Variants in METTL2B observed in about 807,000 individuals in gnomAD.
METTL2B encodes tRNA N(3)-cytidine methyltransferase METTL2B.
In METTL2B, 28 loss-of-function variants were observed where a neutral mutation model predicts 51.0. The observed-to-expected ratio is 0.55, with a 90% CI of 0.41 to 0.75. METTL2B has a LOEUF of 0.75. METTL2B is among the 30% of genes least tolerant of loss of function. METTL2B has a pLI of 0.00. For synonymous variants in METTL2B, 128 were observed against 166.3 expected (o/e 0.77, Z 1.77); for missense variants, 313 against 460.7 (o/e 0.68, Z 2.93).
At chr7:128,479,094 G>A in intron 2 of METTL2B, 64 bp from the exon 3 acceptor site, 3 of 1,461,414 alleles carry the variant, frequency 2.1e-6, no homozygotes, top group Non-Finnish European at 2.8e-6. Context: ...CAGGATAATT[G>A]ACGTTAGATA....
At position 128,500,967 on chromosome 7, in the gene METTL2B, A is replaced by G. The variant is rs1793017947; in HGVS notation, c.981A>G (p.Gln327=). 6.2e-7 allele frequency: 1 copy of G among 1,614,132 alleles called. No homozygotes were observed. The highest frequency in any genetic ancestry group is 8.5e-7 in the Non-Finnish European group (1 of 1,179,980). The change falls in exon 8 of 9, where the codon CAA becomes CAG. Residue 327 remains glutamine, a splice_region_variant and synonymous_variant. Transcript: ENST00000262432. Reference sequence around the variant, plus strand: ...GAACCAGAGTTTACTTCTTCACACAAGGTATGAAACACTCATCTTTTTACG... The same window carrying G: ...GAACCAGAGTTTACTTCTTCACACAGGGTATGAAACACTCATCTTTTTACG... ...GDGTRVYFFT[Q]EELDTLFTTA...
Position 128,477,056 on chromosome 7 carries a change from C to G in METTL2B, c.111-26C>G, listed in dbSNP as rs969889388. The G allele has an allele frequency of 7.4e-6, 12 of 1,614,164 alleles. No individual in the cohort carries two copies. The Admixed American group carries it at 1.3e-4, about 18-fold the overall frequency. ...TGCTCGCAGCCAGGACGTGAAGCCC[C>G]TAAGCTGCCCGTTTGATTTTCTCAG... On this transcript the variant is annotated intron_variant, in intron 1 of 8. Coordinates refer to ENST00000262432, the MANE Select transcript of METTL2B (RefSeq NM_018396.3).
rs1793015979 is a variant in METTL2B at position 128,500,870 on chromosome 7, A to G, written c.917-33A>G. 3 of 1,612,780 alleles carry G rather than the reference A, an allele frequency of 1.9e-6. No homozygotes were observed. In the South Asian group the frequency reaches 3.3e-5, roughly 18 times the overall value. ...AGTGCAAGTCAAAGAGACACTTTAAAGTGTCTCTGATTTTTAATACATCAC... is the reference window on the plus strand; with the variant it reads ...AGTGCAAGTCAAAGAGACACTTTAAGGTGTCTCTGATTTTTAATACATCAC... On this transcript the variant is annotated intron_variant, in intron 7 of 8. Transcript: ENST00000262432.
chr7:128,481,056 G>A (rs1189680844), intron 4 of METTL2B, among the ~76,000 whole-genome samples: 2 of 152,184 alleles, frequency 1.3e-5, no homozygotes, highest in African/African-American at 4.8e-5. Flanking sequence ...AGGAACAAAT[G>A]TGTTCAACTT....
intron 4 of METTL2B, among the ~76,000 whole-genome samples, chr7:128,484,666 C>T (rs1459168723): frequency 6.6e-6 from 1 of 152,040 alleles, no homozygotes; most frequent in Non-Finnish European, 1.5e-5. Context: ...GATCTTGGCT[C>T]ACTGCAACCT....
At chr7:128,483,695 C>T (rs1040611337) in intron 4 of METTL2B, among the ~76,000 whole-genome samples, 1 of 152,002 alleles carries the variant, frequency 6.6e-6, no homozygotes, top group Non-Finnish European at 1.5e-5. Flanking sequence ...GTGCCCACCA[C>T]CACGCCCAGC....
At position 128,492,895 on chromosome 7, in the gene METTL2B, C is replaced by T. The variant is rs144020875; in HGVS notation, c.670-909C>T. Among the ~76,000 whole-genome samples the T allele has an allele frequency of 7.6e-3, 1,161 of 152,184 alleles. 14 individuals carry two copies. The highest frequency in any genetic ancestry group is 0.027 in the African/African-American group (1,110 of 41,512). On this transcript the variant is annotated intron_variant, in intron 5 of 8. Coordinates refer to ENST00000262432, the MANE Select transcript of METTL2B (RefSeq NM_018396.3). ...CCTCCCAAAGTGCTAGGATTACAGG[C>T]GTGAGCCACTGCGTGCTTATTTAAA...
chr7:128,480,666 A>C lies in METTL2B; in HGVS notation c.578A>C (p.Asn193Thr), dbSNP rs570735134. Residue 193 changes from asparagine (N) to threonine (T), a missense_variant, in exon 4 of 9, where the codon AAC becomes ACC. This residue lies in a region of METTL2B where 42 missense variants were observed against 113.4 expected (regional missense o/e 0.37). Coordinates refer to ENST00000262432, the MANE Select transcript of METTL2B (RefSeq NM_018396.3). ...CTGCAGGTTGGCTGTGGTGTGGGAA[A>C]CACAGTCTTTCCAATTTTACAAACG... ...RILEVGCGVG[N>T]TVFPILQTNN... 5 of 1,604,716 alleles carry C rather than the reference A, an allele frequency of 3.1e-6. No individual in the cohort carries two copies. The East Asian group carries it at 1.1e-4, about 36-fold the overall frequency.
chr7:128,494,618 G>A (rs1792890696), intron 6 of METTL2B, among the ~76,000 whole-genome samples: 1 of 152,010 alleles, frequency 6.6e-6, no homozygotes, highest in African/African-American at 2.4e-5. Flanking sequence ...TCTCATTATT[G>A]GCCTTTCATT....
rs183378787 is a variant in METTL2B, at chr7:128,495,542, C to G, written c.809+1599C>G. ...CTTGGCTCACTGCAAGCTCTGCCTC[C>G]CAGGTTAAAGCGATTCTCCTGCCTC... On this transcript the variant is annotated intron_variant, in intron 6 of 8. Coordinates refer to ENST00000262432, the MANE Select transcript of METTL2B (RefSeq NM_018396.3). 1.1e-3 allele frequency among the ~76,000 whole-genome samples: 170 copies of G among 152,106 alleles called. 1 individual carries two copies. Among genetic ancestry groups the G allele is most frequent in the African/African-American group, 3.8e-3 (157 of 41,486 alleles).
At position 128,500,963 on chromosome 7, in the gene METTL2B, C is replaced by T; in HGVS notation, c.977C>T (p.Thr326Ile). ...GATGGAACCAGAGTTTACTTCTTCA[C>T]ACAAGGTATGAAACACTCATCTTTT... ...RGDGTRVYFFTQEELDTLFTT... is the reference protein window; with the variant it reads ...RGDGTRVYFFIQEELDTLFTT... Residue 326 changes from threonine to isoleucine, a missense_variant, in exon 8 of 9, where the codon ACA becomes ATA. Thr to Ile is a moderately conservative substitution (Grantham distance 89). Coordinates refer to ENST00000262432, the MANE Select transcript of METTL2B (RefSeq NM_018396.3). 3.1e-6 allele frequency: 5 copies of T among 1,614,180 alleles called. No individual in the cohort carries two copies. Among genetic ancestry groups the T allele is most frequent in the Non-Finnish European group, 4.2e-6 (5 of 1,180,012 alleles).
At chr7:128,477,951 A>G (rs1230441265) in intron 2 of METTL2B, 1 of 450,702 alleles carries the variant, frequency 2.2e-6, no homozygotes, top group Non-Finnish European at 4.5e-6. Context: ...TTTTATAGTT[A>G]AAGACACTTG....
At chr7:128,494,073 G>A (rs554009991) in intron 6 of METTL2B, 130 bp downstream of exon 6, 6 of 1,205,258 alleles carry the variant, frequency 5.0e-6, no homozygotes, top group East Asian at 4.8e-5. Flanking sequence ...GCTCACTGCA[G>A]CCTTAATCTC....
chr7:128,477,625 T>C (rs1205370130), intron 2 of METTL2B, among the ~76,000 whole-genome samples: 2 of 151,826 alleles, frequency 1.3e-5, no homozygotes, highest in East Asian at 3.9e-4. Flanking sequence ...ACTTGTGTGA[T>C]GGTTATGAGA....
chr7:128,477,819 G>A (rs1228875965), intron 2 of METTL2B: 4 of 323,982 alleles, frequency 1.2e-5, no homozygotes, highest in African/African-American at 8.6e-5. Context: ...TGCTGAAAGA[G>A]TTCTGTACAA....
chr7:128,493,517 C>G (rs1792872406), intron 5 of METTL2B, among the ~76,000 whole-genome samples: 1 of 152,056 alleles, frequency 6.6e-6, no homozygotes. Flanking sequence ...CTTGCCATTA[C>G]TTTCAATAGC....
intron 5 of METTL2B, among the ~76,000 whole-genome samples, chr7:128,490,092 C>T (rs1792801519): frequency 6.6e-6 from 1 of 152,152 alleles, no homozygotes; most frequent in Non-Finnish European, 1.5e-5. Context: ...GCTTTATCAA[C>T]TAAGTTTGAT....
At chr7:128,496,772 G>C (rs1792930288) in intron 6 of METTL2B, among the ~76,000 whole-genome samples, 1 of 147,536 alleles carries the variant, frequency 6.8e-6, no homozygotes, top group South Asian at 2.1e-4. Flanking sequence ...TTGTTTGTTT[G>C]TTTGTTTGTT....
At chr7:128,495,669 T>C (rs770073926) in intron 6 of METTL2B, among the ~76,000 whole-genome samples, 3 of 152,150 alleles carry the variant, frequency 2.0e-5, no homozygotes, top group Non-Finnish European at 1.5e-5. Flanking sequence ...GCCAGGCTGA[T>C]CTTGAGCTCC....
Sources: gnomAD v4.1 joint callset for allele counts (sites outside exome capture counted in the v4.1 genomes callset) on GRCh38, gnomAD v4.1.1 for gene constraint, gnomAD v4.1.1 regional missense constraint, MANE v1.5 for transcripts, NCBI Gene and HGNC (gene_info 2026-07-23, HGNC 2026-07-21) for gene names.